Variants in ROBO3 observed in about 807,000 individuals in gnomAD.
ROBO3 encodes the protein roundabout guidance receptor 3.
In ROBO3, 97 loss-of-function variants were observed where a neutral mutation model predicts 160.5. That is an observed-to-expected ratio of 0.60 (90% CI 0.51 to 0.72). The LOEUF (loss-of-function observed/expected upper bound fraction) is 0.72, where lower values mean the gene tolerates loss of function less well. Ranked by LOEUF, ROBO3 falls within the 30% of genes least tolerant of loss-of-function variation. ROBO3 has a pLI of 0.00. For missense variants in ROBO3, 1,858 were observed against 1,846.5 expected, an observed-to-expected ratio of 1.01 and a Z score of -0.11; for synonymous variants, 780 against 746.2, an observed-to-expected ratio of 1.05 and a Z score of -0.74.
Position 124,878,924 on chromosome 11 carries a change from G to A in ROBO3, c.3533+128G>A. The A allele has an allele frequency of 1.1e-6, 1 of 873,124 alleles. No individual in the cohort carries two copies. The highest frequency in any genetic ancestry group is 1.7e-5 in the African/African-American group (1 of 59,786). The allele number at this position is 873,124 out of a possible 1,614,324, so 54.1% of individuals were successfully genotyped here. The stretch of plus-strand genomic sequence containing the variant: ...GTACAGAGGTCTCAGGGCTGTGTCA[G>A]GGTGGAAGTGTAATTTGGGCAGGAA... On this transcript the variant is annotated intron_variant, in intron 23 of 27. Coordinates refer to ENST00000397801, the MANE Select transcript of ROBO3 (RefSeq NM_022370.4). This position sits in a 1 kb window ranked among gnomAD's most constrained non-coding sequence, Gnocchi z 4.3.
chr11:124,868,875 C>A lies in ROBO3; in HGVS notation c.234C>A (p.Gly78=), dbSNP rs1236755548. Reference sequence around the variant, plus strand: ...CGCCAGATCTGCTGGTCTCCCGAGGCGAGCCCGCCACGTTGCCCTGCCGCG... The same window carrying A: ...CGCCAGATCTGCTGGTCTCCCGAGGAGAGCCCGCCACGTTGCCCTGCCGCG... ...EQPPDLLVSR[G]EPATLPCRAE... Residue 78 remains glycine, a synonymous_variant, in exon 2 of 28, where the codon GGC becomes GGA. Coordinates refer to ENST00000397801, the MANE Select transcript of ROBO3 (RefSeq NM_022370.4). 11 of 1,606,916 alleles carry A rather than the reference C, an allele frequency of 6.8e-6. No individual in the cohort carries two copies. Among genetic ancestry groups the A allele is most frequent in the Non-Finnish European group, 9.3e-6 (11 of 1,177,772 alleles).
Position 124,876,506 on chromosome 11 carries a change from C to A in ROBO3, c.2779+46C>A, listed in dbSNP as rs1284219311. 3.7e-6 allele frequency: 5 copies of A among 1,339,212 alleles called. No homozygotes were observed. The highest frequency in any genetic ancestry group is 4.8e-6 in the Non-Finnish European group (5 of 1,047,338). The allele number at this position is 1,339,212 out of a possible 1,614,324, so 83.0% of individuals were successfully genotyped here. ...CGGACGGATCCGGGAGGGAGCCAGG[C>A]GGCCCATGGGGAGGGGCAGGGGCTT... On this transcript the variant is annotated intron_variant, in intron 17 of 27. Coordinates refer to ENST00000397801, the MANE Select transcript of ROBO3 (RefSeq NM_022370.4). The surrounding 1 kb of genome is among the most constrained non-coding windows in gnomAD (Gnocchi z 5.3).
chr11:124,878,204 C>G lies in ROBO3; in HGVS notation c.3181+73C>G. On this transcript the variant is annotated intron_variant, in intron 21 of 27. Coordinates refer to ENST00000397801, the MANE Select transcript of ROBO3 (RefSeq NM_022370.4). This position sits in a 1 kb window ranked among gnomAD's most constrained non-coding sequence, Gnocchi z 4.3. ...CCCAAAGAGGATCCTCCTCCCTGAC[C>G]CTCTGGCACCTAGCCCGGCACTTCC... 2.5e-6 allele frequency: 4 copies of G among 1,569,908 alleles called. No homozygotes were observed. The highest frequency in any genetic ancestry group is 3.5e-6 in the Non-Finnish European group (4 of 1,152,708).
chr11:124,874,285 A>G lies in ROBO3; in HGVS notation c.1951+49A>G, dbSNP rs780071210. On this transcript the variant is annotated intron_variant, in intron 12 of 27. Transcript: ENST00000397801. Reference sequence around the variant, plus strand: ...ATGAGCATGAAATGTAACATCATAAAGCAACCCTCTCCCCCAAAACCATGA... The same window carrying G: ...ATGAGCATGAAATGTAACATCATAAGGCAACCCTCTCCCCCAAAACCATGA... The G allele has an allele frequency of 7.1e-6, 11 of 1,539,782 alleles. No homozygotes were observed. In the South Asian group the frequency reaches 1.3e-4, roughly 18 times the overall value.
rs766739452 is a variant in ROBO3 at position 124,878,115 on chromosome 11, G to C, written c.3165G>C (p.Trp1055Cys). The change falls in exon 21 of 28, where the codon TGG becomes TGC. Residue 1055 changes from tryptophan to cysteine, a missense_variant. Physicochemically the swap from Trp to Cys is radical, Grantham distance 215. Transcript: ENST00000397801. The surrounding 1 kb of genome is among the most constrained non-coding windows in gnomAD (Gnocchi z 4.3). Reference sequence around the variant, plus strand: ...GGAGCCAGTACGCTCCTCCAGAGTGGAGCCAGGGGGACAGTGGTATGACTC... The same window carrying C: ...GGAGCCAGTACGCTCCTCCAGAGTGCAGCCAGGGGGACAGTGGTATGACTC... ...GPWSQYAPPE[W>C]SQGDSGAKGG... 1.2e-6 allele frequency: 2 copies of C among 1,607,208 alleles called. No individual in the cohort carries two copies. The highest frequency in any genetic ancestry group is 1.3e-5 in the African/African-American group (1 of 74,734).
chr11:124,873,415 A>C lies in ROBO3; in HGVS notation c.1618+24A>C. On this transcript the variant is annotated intron_variant, in intron 10 of 27. Transcript: ENST00000397801. This position sits in a 1 kb window ranked among gnomAD's most constrained non-coding sequence, Gnocchi z 4.5. ...GGGTGAGTTTTTTCTTTCTTCCCTTATTTTGATAATACCTTCCTCCAAACC... is the reference window on the plus strand; with the variant it reads ...GGGTGAGTTTTTTCTTTCTTCCCTTCTTTTGATAATACCTTCCTCCAAACC... 6.3e-7 allele frequency: 1 copy of C among 1,585,084 alleles called. No homozygotes were observed. Among genetic ancestry groups the C allele is most frequent in the Non-Finnish European group, 8.6e-7 (1 of 1,160,352 alleles).
intron 1 of ROBO3, among the ~76,000 whole-genome samples, chr11:124,866,390 T>TC (rs1156497506): frequency 6.6e-6 from 1 of 152,114 alleles, no homozygotes; most frequent in Admixed American, 6.5e-5. Context: ...CAGCGCGCTC[T>TC]CCCCTAGCGC....
chr11:124,878,874 G>A lies in ROBO3; in HGVS notation c.3533+78G>A, dbSNP rs1946478976. On this transcript the variant is annotated intron_variant, in intron 23 of 27. Coordinates refer to ENST00000397801, the MANE Select transcript of ROBO3 (RefSeq NM_022370.4). This position sits in a 1 kb window ranked among gnomAD's most constrained non-coding sequence, Gnocchi z 4.3. ...TCAGTAGATGACTGGGTGGGTGGAT[G>A]GATGGATGGGTGGATGGATCTGGGG... The A allele has an allele frequency of 1.6e-6, 2 of 1,225,202 alleles. No individual in the cohort carries two copies. The highest frequency in any genetic ancestry group is 1.2e-6 in the Non-Finnish European group (1 of 862,444). The allele number at this position is 1,225,202 out of a possible 1,614,324, so 75.9% of individuals were successfully genotyped here.
At chr11:124,879,378 C>T (rs1013144515) in intron 24 of ROBO3, 37 bp downstream of exon 24, 12 of 1,607,396 alleles carry the variant, frequency 7.5e-6, no homozygotes, top group Non-Finnish European at 1.0e-5. Context: ...CCCCGGCTCC[C>T]TCCAGTGCTT....
Position 124,877,602 on chromosome 11 carries a change from A to T in ROBO3, c.2930A>T (p.Glu977Val). ...CCATCTCGAAGCCCCTCGGCCCAGG[A>T]ACCCAGGGGAAGCTGCTGCCCTAGC... Reference protein sequence around the residue: ...PHPSRSPSAQEPRGSCCPSNP... With the variant: ...PHPSRSPSAQVPRGSCCPSNP... Residue 977 changes from glutamate to valine, a missense_variant, in exon 20 of 28, where the codon GAA (glutamate) becomes GTA (valine). Transcript: ENST00000397801. 1 of 1,609,172 alleles carries T rather than the reference A, an allele frequency of 6.2e-7. No homozygotes were observed. Among genetic ancestry groups the T allele is most frequent in the Non-Finnish European group, 8.5e-7 (1 of 1,177,956 alleles).
intron 13 of ROBO3, 77 bp downstream of exon 13, chr11:124,874,986 G>C: frequency 6.5e-7 from 1 of 1,544,580 alleles, no homozygotes; most frequent in Non-Finnish European, 8.8e-7. Flanking sequence ...GTGAGTATGG[G>C]AGAGTGGGAG....
chr11:124,870,890 AG>A, intron 6 of ROBO3, 123 bp from the exon 7 acceptor site: 1 of 1,519,102 alleles, frequency 6.6e-7, no homozygotes, highest in East Asian at 2.3e-5. Context: ...ACAGGCCGGG[AG>A]GAAGAGATGG....
Position 124,870,610 on chromosome 11 carries a change from C to A in ROBO3, c.915C>A (p.Ile305=). ...GTGGGGAGTGGAGCAGGTATGAGAT[C>A]CGGAGTGACCACAGCCTTTGGATTG... ...DGELPTGRYE[I]RSDHSLWIGH... The change falls in exon 6 of 28, where the codon ATC becomes ATA. Residue 305 remains isoleucine, a synonymous_variant. Coordinates refer to ENST00000397801, the MANE Select transcript of ROBO3 (RefSeq NM_022370.4). The A allele has an allele frequency of 1.2e-6, 2 of 1,613,752 alleles. No homozygotes were observed. The highest frequency in any genetic ancestry group is 1.7e-6 in the Non-Finnish European group (2 of 1,179,842).
rs1157938168 is a variant in ROBO3, at chr11:124,874,789, T to G, written c.1953T>G (p.Asp651Glu). 1.2e-6 allele frequency: 2 copies of G among 1,605,686 alleles called. No individual in the cohort carries two copies. Among genetic ancestry groups the G allele is most frequent in the Non-Finnish European group, 1.7e-6 (2 of 1,176,290 alleles). ...SPVSEPVRTQ[D>E]SSPSRPVEDP... is the part of the protein sequence containing the mutation. ...CTGAATGGGTTCCTTGGTCAACAGA[T>G]AGCAGCCCCTCTAGGCCAGTGGAGG... Residue 651 changes from aspartate (D) to glutamate (E), a missense_variant and splice_region_variant, in exon 13 of 28, where the codon GAT (aspartate) becomes GAG (glutamate). By Grantham distance (45) the Asp-to-Glu change is conservative. Coordinates refer to ENST00000397801, the MANE Select transcript of ROBO3 (RefSeq NM_022370.4).
Position 124,876,166 on chromosome 11 carries a change from G to A in ROBO3, c.2593+41G>A, listed in dbSNP as rs902532780. 25 of 1,559,534 alleles carry A rather than the reference G, an allele frequency of 1.6e-5. No homozygotes were observed. In the African/African-American group the frequency reaches 1.9e-4, roughly 12 times the overall value. The stretch of plus-strand genomic sequence containing the variant: ...GGCAGTGCTGAGGATCTTGACGGGG[G>A]CGGGGCAAGCCCCCCACTGGGGTAG... On this transcript the variant is annotated intron_variant, in intron 16 of 27. Coordinates refer to ENST00000397801, the MANE Select transcript of ROBO3 (RefSeq NM_022370.4). The surrounding 1 kb of genome is among the most constrained non-coding windows in gnomAD (Gnocchi z 5.3).
rs770461876 is a variant in ROBO3, at chr11:124,869,037, C to T, written c.396C>T (p.Arg132=). The T allele has an allele frequency of 3.7e-6, 6 of 1,602,062 alleles. No individual in the cohort carries two copies. The Admixed American group carries it at 8.6e-5, about 23-fold the overall frequency. ...TCTTCCCGCGCATCGTGCACGGGCG[C>T]CGCGCGCGGCCGGACGAAGGTGTCT... The part of the protein sequence containing the change: ...ALFFPRIVHG[R]RARPDEGVYT... Residue 132 remains arginine (R), a synonymous_variant, in exon 2 of 28, where the codon CGC becomes CGT. Transcript: ENST00000397801. The surrounding 1 kb of genome is among the most constrained non-coding windows in gnomAD (Gnocchi z 4.2).
In ROBO3 at chr11:124,865,958, A is replaced by T. The variant is rs1362088598; in HGVS notation, c.160+221A>T. ...AGGGCTTGGGAGAAGATGGCTACTG[A>T]GTCTTTTTACACCTCCTTCCCTTCC... On this transcript the variant is annotated intron_variant, in intron 1 of 27. Transcript: ENST00000397801. This position sits in a 1 kb window ranked among gnomAD's most constrained non-coding sequence, Gnocchi z 5.5. 6.6e-6 allele frequency among the ~76,000 whole-genome samples: 1 copy of T among 152,168 alleles called. No individual in the cohort carries two copies. The highest frequency in any genetic ancestry group is 1.5e-5 in the Non-Finnish European group (1 of 68,032).
chr11:124,875,374 G>A (rs768870323), intron 14 of ROBO3, 38 bp downstream of exon 14: 2 of 920,014 alleles, frequency 2.2e-6, no homozygotes, highest in Non-Finnish European at 3.3e-6. Flanking sequence ...GGACAAGAGG[G>A]AAGAAGGGGT....
intron 18 of ROBO3, 22 bp downstream of exon 18, chr11:124,877,206 G>A (rs1226157429): frequency 1.2e-6 from 2 of 1,612,910 alleles, no homozygotes; most frequent in African/African-American, 2.7e-5. Context: ...CTGCCCCAGT[G>A]GGGTTCAGAC....
Sources: allele counts gnomAD v4.1 joint callset (sites outside exome capture counted in the v4.1 genomes callset), GRCh38; gene constraint gnomAD v4.1.1; non-coding constraint Gnocchi (gnomAD v3.1); transcripts MANE v1.5; gene names NCBI Gene and HGNC (gene_info 2026-07-23, HGNC 2026-07-21).